The following HS6ST2 variants were observed in gnomAD, a reference collection of about 807,000 sequenced individuals.
HS6ST2 encodes the protein heparan sulfate 6-O-sulfotransferase 2, also known as heparan-sulfate 6-O-sulfotransferase 2.
In HS6ST2, 17 loss-of-function variants were observed where a neutral mutation model predicts 33.0. That is an observed-to-expected ratio of 0.52 (90% CI 0.35 to 0.77). HS6ST2 has a LOEUF of 0.77. Among genes scored for constraint, HS6ST2 ranks in the 30% least tolerant of loss-of-function variants. HS6ST2 has a pLI of 0.01. For missense variants in HS6ST2, 519 were observed against 551.7 expected (o/e 0.94, Z 0.59); for synonymous variants, 248 against 237.1 (o/e 1.05, Z -0.42).
At chrX:132,679,385 C>T (rs773781631) in intron 3 of HS6ST2, among the ~76,000 whole-genome samples, 7 of 111,479 alleles carry the variant, frequency 6.3e-5, no homozygotes, top group East Asian at 5.7e-4. Context: ...CAGTAGGTTC[C>T]GTGATGCCCC....
In HS6ST2 at chrX:132,925,548, C is replaced by A. The variant is rs573826267; in HGVS notation, c.947+31260G>T. On this transcript the variant is annotated intron_variant, in intron 2 of 4. Coordinates refer to ENST00000370833, the MANE Select transcript of HS6ST2 (RefSeq NM_001394073.1). ...CAGAACTGAATTGAATTGTAAGACA[C>A]CCAGCTAGTGTCGGAGTATTGGTCT... 3.6e-5 allele frequency among the ~76,000 whole-genome samples: 4 copies of A among 111,431 alleles called. No homozygotes were observed. In the South Asian group the frequency reaches 1.5e-3, roughly 43 times the overall value.
At chrX:132,868,666 G>C (rs1043877886) in intron 2 of HS6ST2, among the ~76,000 whole-genome samples, 6 of 111,879 alleles carry the variant, frequency 5.4e-5, no homozygotes, top group Admixed American at 3.8e-4. Flanking sequence ...TAAACAACCT[G>C]CTCCTGAATG....
chrX:132,815,206 T>C (rs989926809), intron 2 of HS6ST2, among the ~76,000 whole-genome samples: 1 of 112,425 alleles, frequency 8.9e-6, no homozygotes, highest in Non-Finnish European at 1.9e-5. Context: ...AGAACAAATA[T>C]TTAAAATATA....
At chrX:132,829,211 T>TATATATATATATACACACATAC (rs1296310332) in intron 2 of HS6ST2, among the ~76,000 whole-genome samples, 1 of 99,510 alleles carries the variant, frequency 1.0e-5, no homozygotes, top group South Asian at 4.4e-4. Context: ...CATACTTATA[T>TATATATATATATACACACATAC]TTATATTTAT....
intron 2 of HS6ST2, among the ~76,000 whole-genome samples, chrX:132,803,743 A>G (rs2065256741): frequency 8.9e-6 from 1 of 112,002 alleles, no homozygotes; most frequent in South Asian, 3.7e-4. Context: ...AAATTTTCTT[A>G]GAATTGCCAG....
chrX:132,924,804 A>G (rs2066694293), intron 2 of HS6ST2, among the ~76,000 whole-genome samples: 1 of 112,148 alleles, frequency 8.9e-6, no homozygotes, highest in South Asian at 3.7e-4. Flanking sequence ...AGCCTGGGCA[A>G]CATGGCGAAA....
At chrX:132,885,525 CA>C (rs1488236968) in intron 2 of HS6ST2, among the ~76,000 whole-genome samples, 1 of 111,490 alleles carries the variant, frequency 9.0e-6, no homozygotes, top group Non-Finnish European at 1.9e-5. Flanking sequence ...TACTGGAGAG[CA>C]AAAAAGCCTT....
chrX:132,822,754 A>G (rs762667593), intron 2 of HS6ST2, among the ~76,000 whole-genome samples: 61 of 111,892 alleles, frequency 5.5e-4, no homozygotes, highest in African/African-American at 1.8e-3. Flanking sequence ...TCTGTGCATG[A>G]TTTTCCCTTA....
At chrX:132,851,264 A>T (rs1399694549) in intron 2 of HS6ST2, among the ~76,000 whole-genome samples, 2 of 112,354 alleles carry the variant, frequency 1.8e-5, no homozygotes, top group Non-Finnish European at 3.8e-5. Flanking sequence ...CCTGAGGGTA[A>T]CCAAAATGCA....
chrX:132,630,403 G>A (rs746477262), intron 4 of HS6ST2, among the ~76,000 whole-genome samples: 7 of 111,268 alleles, frequency 6.3e-5, no homozygotes, highest in South Asian at 3.9e-4. Flanking sequence ...TTGAGGAAAC[G>A]TTTCTCCCAA....
intron 2 of HS6ST2, among the ~76,000 whole-genome samples, chrX:132,953,199 G>C (rs1256721057): frequency 8.9e-6 from 1 of 112,053 alleles, no homozygotes; most frequent in African/African-American, 3.2e-5. Context: ...GAGCAACAAT[G>C]TTTGGATACA....
intron 2 of HS6ST2, among the ~76,000 whole-genome samples, chrX:132,728,753 G>C (rs924305249): frequency 3.6e-5 from 4 of 112,615 alleles, no homozygotes; most frequent in African/African-American, 1.3e-4. Flanking sequence ...AATGGGTTGT[G>C]AAGGCACTTA....
chrX:132,878,821 G>A (rs896807188), intron 2 of HS6ST2, among the ~76,000 whole-genome samples: 1 of 110,921 alleles, frequency 9.0e-6, no homozygotes, highest in Non-Finnish European at 1.9e-5. Flanking sequence ...AATTTTCTTG[G>A]ATATTACGAC....
chrX:132,809,423 TC>T (rs754555638), intron 2 of HS6ST2, among the ~76,000 whole-genome samples: 16 of 112,086 alleles, frequency 1.4e-4, no homozygotes, highest in Admixed American at 1.1e-3. Context: ...TAGCAGAAAT[TC>T]ATTCAACAAA....
At chrX:132,878,280 G>T (rs1484347643) in intron 2 of HS6ST2, among the ~76,000 whole-genome samples, 1 of 112,195 alleles carries the variant, frequency 8.9e-6, no homozygotes, top group African/African-American at 3.2e-5. Flanking sequence ...GATGAGGCCA[G>T]GCTCCACCCC....
rs768906568 is a variant in HS6ST2, at chrX:132,882,464, C to T, written c.947+74344G>A. On this transcript the variant is annotated intron_variant, in intron 2 of 4. Coordinates refer to ENST00000370833, the MANE Select transcript of HS6ST2 (RefSeq NM_001394073.1). ...TGTATAAGAATGCTTGTGATTTTTG[C>T]ACATTGATTTTGTATCCTGAGACTT... is the stretch of plus-strand genomic sequence containing the variant. 1.9e-3 allele frequency among the ~76,000 whole-genome samples: 197 copies of T among 104,522 alleles called. 1 individual carries two copies. The highest frequency in any genetic ancestry group is 0.017 in the East Asian group (57 of 3,350). The allele number at this position is 104,522 out of a possible 115,157, so 90.8% of individuals were successfully genotyped here. A position where few individuals can be genotyped will look rare whatever the true frequency, so the allele number is the denominator to read the frequency against.
chrX:132,846,441 C>A lies in HS6ST2; in HGVS notation c.947+110367G>T, dbSNP rs1301681217. On this transcript the variant is annotated intron_variant, in intron 2 of 4. Coordinates refer to ENST00000370833, the MANE Select transcript of HS6ST2 (RefSeq NM_001394073.1). The stretch of plus-strand genomic sequence containing the variant: ...AAAGCTGAAATGAGAGTCTGATGAT[C>A]TTGACCAACAGCGGAGCCAATGTGG... Among the ~76,000 whole-genome samples, 5 of 112,330 alleles carry A rather than the reference C, an allele frequency of 4.5e-5. No individual in the cohort carries two copies. The East Asian group carries it at 1.4e-3, about 31-fold the overall frequency.
chrX:132,686,622 C>G (rs2064018050), intron 3 of HS6ST2, among the ~76,000 whole-genome samples: 1 of 111,914 alleles, frequency 8.9e-6, no homozygotes, highest in Admixed American at 9.5e-5. Context: ...TATTCTAAGC[C>G]ATCACACCAG....
chrX:132,745,580 C>T (rs2064631485), intron 2 of HS6ST2, among the ~76,000 whole-genome samples: 1 of 112,211 alleles, frequency 8.9e-6, no homozygotes, highest in South Asian at 3.7e-4. Flanking sequence ...ACAACTTAGA[C>T]TGAAGCAAAG....
Sources: allele counts gnomAD v4.1 joint callset (sites outside exome capture counted in the v4.1 genomes callset), GRCh38; gene constraint gnomAD v4.1.1; transcripts MANE v1.5; gene names NCBI Gene and HGNC (gene_info 2026-07-23, HGNC 2026-07-21).